The following ZNF333 variants were observed in gnomAD, a reference collection of about 807,000 sequenced individuals.
ZNF333 encodes zinc finger protein 333.
A neutral mutation model predicts 76.1 loss-of-function variants in ZNF333; 61 were observed. The observed-to-expected ratio is 0.80, with a 90% CI of 0.65 to 0.99. The LOEUF is 0.99. ZNF333 is among the 50% of genes least tolerant of loss of function. The pLI, the probability that ZNF333 is intolerant of heterozygous loss-of-function variation, is 0.00. For synonymous variants in ZNF333, 284 were observed against 305.0 expected (o/e 0.93, Z 0.72); for missense variants, 717 against 822.4 (o/e 0.87, Z 1.57).
intron 5 of ZNF333, chr19:14,701,713 G>C: frequency 2.0e-6 from 2 of 985,478 alleles, no homozygotes; most frequent in African/African-American, 3.5e-5. Context: ...TCCACACCCA[G>C]CCCAGCAAGC....
chr19:14,714,513 C>CT (rs2042369288), intron 7 of ZNF333, among the ~76,000 whole-genome samples: 1 of 152,150 alleles, frequency 6.6e-6, no homozygotes, highest in Non-Finnish European at 1.5e-5. Flanking sequence ...CTGAGCTTAA[C>CT]TTTGGACTCC....
rs376867404 is a variant in ZNF333, at chr19:14,719,208, C to T, written c.1881C>T (p.Phe627=). 2.5e-6 allele frequency: 4 copies of T among 1,614,236 alleles called. No individual in the cohort carries two copies. The highest frequency in any genetic ancestry group is 2.2e-5 in the South Asian group (2 of 91,082). ...PYQCNQCEKA[F]RHSSSLTVHK... is the part of the protein sequence containing the mutation. ...AATGTAATCAGTGTGAGAAAGCCTT[C>T]AGGCACAGCTCCTCACTCACTGTAC... Residue 627 remains phenylalanine (F), a synonymous_variant, in exon 12 of 12, where the codon TTC becomes TTT. Transcript: ENST00000292530.
intron 4 of ZNF333, among the ~76,000 whole-genome samples, chr19:14,698,162 C>G (rs1973359677): frequency 6.6e-6 from 1 of 151,542 alleles, no homozygotes; most frequent in African/African-American, 2.4e-5. Flanking sequence ...CACTTCAGGT[C>G]AGGAGTTCGA....
intron 7 of ZNF333, among the ~76,000 whole-genome samples, chr19:14,714,482 G>A (rs1025699578): frequency 2.6e-5 from 4 of 152,202 alleles, no homozygotes; most frequent in South Asian, 2.1e-4. Context: ...TTCTCAGAGC[G>A]TCAGAGGAGG....
At chr19:14,696,704 A>AGGG (rs370283737) in intron 4 of ZNF333, among the ~76,000 whole-genome samples, 2 of 149,588 alleles carry the variant, frequency 1.3e-5, no homozygotes, top group African/African-American at 4.9e-5. Context: ...AAGTAATCAC[A>AGGG]GGGCAGATTC....
intron 9 of ZNF333, 130 bp downstream of exon 9, chr19:14,716,368 C>A: frequency 2.9e-6 from 3 of 1,041,920 alleles, no homozygotes; most frequent in Non-Finnish European, 4.1e-6. Context: ...AGGTGATCCT[C>A]CCACCCCAGC....
At chr19:14,701,744 G>A in intron 5 of ZNF333, 1 of 985,592 alleles carries the variant, frequency 1.0e-6, no homozygotes, top group Non-Finnish European at 1.2e-6. Context: ...TGGGTGCTGA[G>A]AGTGGCAGGC....
At position 14,690,111 on chromosome 19, in the gene ZNF333, G is replaced by GCGGCGCGGCGCGGCA. The variant is rs1555767880; in HGVS notation, c.-77_-76insGCGGCGCGGCACGGC. 16 of 148,666 alleles carry GCGGCGCGGCGCGGCA rather than the reference G, an allele frequency of 1.1e-4. No homozygotes were observed. Among genetic ancestry groups the GCGGCGCGGCGCGGCA allele is most frequent in the African/African-American group, 4.0e-4 (16 of 40,060 alleles). The allele number at this position is 148,666 out of a possible 1,614,324, so 9.2% of individuals were successfully genotyped here. On this transcript the variant is annotated 5_prime_UTR_variant, in exon 1 of 12. Coordinates refer to ENST00000292530, the MANE Select transcript of ZNF333 (RefSeq NM_032433.4). Reference sequence around the variant, plus strand: ...GCTGTGCTGCGCGGCGCGGCGCGGTGCGGCACGGCACGGTGGGAGTGTCTC... The same window carrying GCGGCGCGGCGCGGCA: ...GCTGTGCTGCGCGGCGCGGCGCGGTGCGGCGCGGCGCGGCACGGCACGGCACGGTGGGAGTGTCTC...
At chr19:14,716,867 A>C in intron 9 of ZNF333, 127 bp from the exon 10 acceptor site, 1 of 762,556 alleles carries the variant, frequency 1.3e-6, no homozygotes, top group Non-Finnish European at 2.1e-6. Context: ...GGCTGTGGCC[A>C]TCAGAATTTA....
At chr19:14,733,028 G>A (rs1460393144) in exon 12 of ZNF333, 2 of 152,214 alleles carry the variant, frequency 1.3e-5, no homozygotes, top group Non-Finnish European at 2.9e-5. Context: ...CAAGCCTCCA[G>A]CTGTGTGTTC....
In ZNF333 at chr19:14,706,800, G is replaced by A. The variant is rs1467426849; in HGVS notation, c.511+27G>A. The A allele has an allele frequency of 2.5e-6, 4 of 1,584,974 alleles. No individual in the cohort carries two copies. The East Asian group carries it at 6.7e-5, about 27-fold the overall frequency. On this transcript the variant is annotated intron_variant, in intron 7 of 11. Transcript: ENST00000292530. ...TGAGTGAGTGCTGCGTGGAACACGT[G>A]GCCAGAGGGCCCTGCTGTCCTTGTG...
At chr19:14,713,174 C>T (rs1301226177) in intron 7 of ZNF333, among the ~76,000 whole-genome samples, 1 of 152,146 alleles carries the variant, frequency 6.6e-6, no homozygotes, top group Non-Finnish European at 1.5e-5. Flanking sequence ...TGTGAGAAAT[C>T]AGAAAGCAAG....
Position 14,720,459 on chromosome 19 carries a change from C to T in ZNF333, c.*1134C>T. ...AGAAGAGGGTGGCCGGAAGTCATAA[C>T]CATCTTGCTTCTGTAATCTAAAAAA... On this transcript the variant is annotated 3_prime_UTR_variant, in exon 12 of 12. Coordinates refer to ENST00000292530, the MANE Select transcript of ZNF333 (RefSeq NM_032433.4). 2 of 985,420 alleles carry T rather than the reference C, an allele frequency of 2.0e-6. No homozygotes were observed. The highest frequency in any genetic ancestry group is 2.4e-6 in the Non-Finnish European group (2 of 829,940). 61.0% of individuals were successfully genotyped at this position (985,420 alleles called of 1,614,324 possible). A position where few individuals can be genotyped will look rare whatever the true frequency, so the allele number is the denominator to read the frequency against.
At chr19:14,708,826 G>A (rs73012801) in intron 7 of ZNF333, 9,288 of 155,112 alleles carry the variant, frequency 0.06, 443 homozygotes, top group Admixed American at 0.12. Context: ...TCCTTTTGAA[G>A]CCTCTCCTTG....
In ZNF333 at chr19:14,728,086, G is replaced by A. The variant is rs535500517; in HGVS notation, c.901-3089G>A. 3.4e-4 allele frequency among the ~76,000 whole-genome samples: 52 copies of A among 152,288 alleles called. No homozygotes were observed. In the South Asian group the frequency reaches 8.5e-3, roughly 25 times the overall value. ...AAATTAGCCGGGTGTGGTGGTGGGC[G>A]CCTGTAGTCCCAACTACTCGGGAGG... On this transcript the variant is annotated intron_variant, in intron 11 of 11. Coordinates refer to the ZNF333 transcript ENST00000540689.
At chr19:14,694,617 C>T (rs1316510159) in intron 2 of ZNF333, among the ~76,000 whole-genome samples, 2 of 152,160 alleles carry the variant, frequency 1.3e-5, no homozygotes, top group East Asian at 3.9e-4. Context: ...GATGCTGTGC[C>T]AATTTGTAAT....
chr19:14,718,848 A>G lies in ZNF333; in HGVS notation c.1521A>G (p.Glu507=). The change falls in exon 12 of 12, where the codon GAA becomes GAG. Residue 507 remains glutamate (E), a synonymous_variant. Transcript: ENST00000292530. The stretch of plus-strand genomic sequence containing the variant: ...CCCATACCAGAGAGAAACCATATGA[A>G]TGCAACCAGTGTGGCAAGCCCTTCC... ...LRTHTREKPY[E]CNQCGKPFRT... 6.2e-7 allele frequency: 1 copy of G among 1,614,158 alleles called. No homozygotes were observed. The highest frequency in any genetic ancestry group is 8.5e-7 in the Non-Finnish European group (1 of 1,180,014).
chr19:14,731,212 C>T (rs2042668555), exon 12 of ZNF333: 12 of 1,532,268 alleles, frequency 7.8e-6, no homozygotes, highest in East Asian at 2.4e-5. Context: ...ACATCCAGTA[C>T]TCTCTTGCAT....
rs757280944 is a variant in ZNF333 at position 14,712,109 on chromosome 19, C to T, written c.512-3273C>T. ...CATCACTATTTATTCTGATTAGTTG[C>T]TGGGATCTGTAGAGTGTCAGAGAGG... On this transcript the variant is annotated intron_variant, in intron 7 of 11. Coordinates refer to ENST00000292530, the MANE Select transcript of ZNF333 (RefSeq NM_032433.4). 5.3e-5 allele frequency among the ~76,000 whole-genome samples: 8 copies of T among 151,988 alleles called. No homozygotes were observed. In the East Asian group the frequency reaches 9.7e-4, roughly 18 times the overall value.
Sources: allele counts gnomAD v4.1 joint callset (sites outside exome capture counted in the v4.1 genomes callset), GRCh38; gene constraint gnomAD v4.1.1; transcripts MANE v1.5; gene names NCBI Gene and HGNC (gene_info 2026-07-23, HGNC 2026-07-21).